The following AFG2A variants were observed in gnomAD, a reference collection of about 807,000 sequenced individuals.
AFG2A encodes the protein AAA ATPase AFG2A, also known as ATPase family gene 2 protein homolog A.
chr4:123,195,453 G>GTGTCT, the AFG2A span, among the ~76,000 whole-genome samples: 91 of 151,686 alleles, frequency 6.0e-4, no homozygotes, highest in Middle Eastern at 0.014. Context: ...GTAAAAGGTA[G>GTGTCT]TAGATGGGAA....
At chr4:123,003,823 C>CTGCTG in the AFG2A span, among the ~76,000 whole-genome samples, 1 of 152,156 alleles carries the variant, frequency 6.6e-6, no homozygotes, top group Admixed American at 6.5e-5. Context: ...GGGAAAACCA[C>CTGCTG]TGCTGTCCTG....
chr4:123,089,936 A>C, the AFG2A span, among the ~76,000 whole-genome samples: 1 of 152,132 alleles, frequency 6.6e-6, no homozygotes, highest in African/African-American at 2.4e-5. Flanking sequence ...GTCAAAGGAC[A>C]TGAAGTTAGA....
At chr4:123,210,344 C>T in the AFG2A span, among the ~76,000 whole-genome samples, 1 of 152,080 alleles carries the variant, frequency 6.6e-6, no homozygotes, top group Non-Finnish European at 1.5e-5. Flanking sequence ...AATTTTGTGC[C>T]CTTTGGCCAG....
the AFG2A span, among the ~76,000 whole-genome samples, chr4:123,251,463 T>C: frequency 3.6e-4 from 55 of 152,176 alleles, no homozygotes; most frequent in African/African-American, 1.3e-3. Context: ...CTTCAACATT[T>C]AGAAACCCCA....
chr4:123,228,358 C>T, the AFG2A span, among the ~76,000 whole-genome samples: 394 of 151,590 alleles, frequency 2.6e-3, 2 homozygotes, highest in Middle Eastern at 0.014. Flanking sequence ...TGGCTGGTAC[C>T]GGTTGTTCCT....
chr4:123,089,883 C>T, the AFG2A span, among the ~76,000 whole-genome samples: 9 of 152,076 alleles, frequency 5.9e-5, no homozygotes, highest in South Asian at 1.0e-3. Flanking sequence ...GCGCCTGGCC[C>T]GAGTTTATTT....
chr4:123,234,250 G>T, the AFG2A span, among the ~76,000 whole-genome samples: 1 of 151,902 alleles, frequency 6.6e-6, no homozygotes, highest in Non-Finnish European at 1.5e-5. Context: ...ACAATCTGAC[G>T]GTATAAAATT....
At chr4:123,269,920 G>A in the AFG2A span, among the ~76,000 whole-genome samples, 4 of 125,544 alleles carry the variant, frequency 3.2e-5, no homozygotes, top group South Asian at 2.3e-4. Context: ...GGGTTCAAGC[G>A]ATTCTTCTGC....
At chr4:123,221,422 C>T in the AFG2A span, among the ~76,000 whole-genome samples, 1 of 152,112 alleles carries the variant, frequency 6.6e-6, no homozygotes, top group Admixed American at 6.6e-5. Context: ...CTCAGCCTCC[C>T]AAAGTGCTAG....
At chr4:123,138,447 T>C in the AFG2A span, among the ~76,000 whole-genome samples, 2 of 152,202 alleles carry the variant, frequency 1.3e-5, no homozygotes, top group African/African-American at 4.8e-5. Flanking sequence ...CTTACTATTT[T>C]CTCATTTTTA....
the AFG2A span, among the ~76,000 whole-genome samples, chr4:123,313,072 G>A: frequency 3.3e-5 from 5 of 152,112 alleles, no homozygotes; most frequent in Non-Finnish European, 5.9e-5. Flanking sequence ...TTTCACTACC[G>A]TAATGTGTCT....
At chr4:123,201,458 C>G in the AFG2A span, among the ~76,000 whole-genome samples, 1 of 152,136 alleles carries the variant, frequency 6.6e-6, no homozygotes, top group Non-Finnish European at 1.5e-5. Flanking sequence ...ATATATTAAG[C>G]TTGAATTTGC....
the AFG2A span, among the ~76,000 whole-genome samples, chr4:122,989,122 A>G: frequency 6.6e-6 from 1 of 152,054 alleles, no homozygotes; most frequent in East Asian, 1.9e-4. Context: ...AGTGTCTGCT[A>G]CTGGTGCTTA....
chr4:123,186,354 AATT>A, the AFG2A span, among the ~76,000 whole-genome samples: 3 of 152,218 alleles, frequency 2.0e-5, no homozygotes, highest in African/African-American at 7.2e-5. Flanking sequence ...TTTGAATAAA[AATT>A]ATTAAGTGTA....
chr4:122,953,145 G>T, the AFG2A span, among the ~76,000 whole-genome samples: 138,124 of 152,152 alleles, frequency 0.91, 62,919 homozygotes, highest in East Asian at 0.96. Context: ...TTGGCAACTA[G>T]ACTGGTGTCC....
chr4:122,926,467 G>A, the AFG2A span, among the ~76,000 whole-genome samples: 2 of 152,178 alleles, frequency 1.3e-5, no homozygotes, highest in African/African-American at 4.8e-5. Flanking sequence ...ACTCAGTGCT[G>A]TTCATCTTAG....
At chr4:123,193,533 G>T in the AFG2A span, among the ~76,000 whole-genome samples, 1,695 of 152,232 alleles carry the variant, frequency 0.011, 33 homozygotes, top group South Asian at 0.089. Flanking sequence ...AGACAAAAGT[G>T]TAATTTTTAT....
the AFG2A span, among the ~76,000 whole-genome samples, chr4:123,019,085 GTATTTATTAAA>G: frequency 2.6e-5 from 4 of 152,050 alleles, no homozygotes; most frequent in African/African-American, 9.6e-5. Flanking sequence ...AAAGTATCTA[GTATTTATTAAA>G]TATTTACCAC....
At chr4:123,009,775 G>A in the AFG2A span, among the ~76,000 whole-genome samples, 1 of 152,104 alleles carries the variant, frequency 6.6e-6, no homozygotes, top group South Asian at 2.1e-4. Context: ...CAGACATGAA[G>A]TTCCAATTTT....
Sources: allele counts gnomAD v4.1 joint callset (sites outside exome capture counted in the v4.1 genomes callset), GRCh38; gene constraint gnomAD v4.1.1; transcripts MANE v1.5; gene names NCBI Gene and HGNC (gene_info 2026-07-23, HGNC 2026-07-21).